Variants in SRP54 observed in about 807,000 individuals in gnomAD.
The protein encoded by SRP54 is signal recognition particle subunit SRP54.
Under a neutral mutation model 64.8 loss-of-function variants are expected in SRP54, and 10 were observed. The observed-to-expected ratio is 0.15, with a 90% confidence interval of 0.10 to 0.26. The LOEUF (loss-of-function observed/expected upper bound fraction) is 0.26, where lower values mean the gene tolerates loss of function less well. SRP54 is among the 10% of genes least tolerant of loss of function. SRP54 has a pLI of 1.00. For missense variants in SRP54, 325 were observed against 613.7 expected (o/e 0.53, Z 4.97); for synonymous variants, 193 against 185.6 (o/e 1.04, Z -0.32).
intron 13 of SRP54, among the ~76,000 whole-genome samples, chr14:35,020,689 A>G (rs1373814745): frequency 1.3e-5 from 2 of 152,182 alleles, no homozygotes; most frequent in Non-Finnish European, 2.9e-5. Context: ...ACTGTCTTTA[A>G]CACTGCAAAA....
chr14:35,022,053 T>C (rs546051125), intron 13 of SRP54, among the ~76,000 whole-genome samples: 14 of 152,252 alleles, frequency 9.2e-5, no homozygotes, highest in Non-Finnish European at 1.6e-4. Flanking sequence ...TAGGAAATAA[T>C]TTTTCTGTTG....
At chr14:35,017,513 A>C (rs950429073) in intron 11 of SRP54, among the ~76,000 whole-genome samples, 11 of 152,326 alleles carry the variant, frequency 7.2e-5, no homozygotes, top group Middle Eastern at 3.4e-3. Context: ...TCCACTGTTT[A>C]ATTCTGCGTT....
At chr14:35,013,536 A>G in intron 9 of SRP54, 42 bp downstream of exon 9, 1 of 1,583,058 alleles carries the variant, frequency 6.3e-7, no homozygotes. Context: ...TTGGGATTAT[A>G]TGGGGAAGGA....
chr14:34,987,003 C>CA lies in SRP54; in HGVS notation c.-34+3789dup, dbSNP rs2043905265. 2.0e-5 allele frequency among the ~76,000 whole-genome samples: 3 copies of CA among 151,840 alleles called. No homozygotes were observed. In the South Asian group the frequency reaches 6.2e-4, roughly 31 times the overall value. On this transcript the variant is annotated intron_variant, in intron 1 of 15. Coordinates refer to ENST00000216774, the MANE Select transcript of SRP54 (RefSeq NM_003136.4). ...GTCCCAACACTTTGGGAGGCCAAGG[C>CA]AGGCAGATCACAAGGTCAGGAGATC...
chr14:34,997,211 A>G (rs970384175), intron 2 of SRP54, among the ~76,000 whole-genome samples: 2 of 152,086 alleles, frequency 1.3e-5, no homozygotes, highest in African/African-American at 4.8e-5. Context: ...AAAGGCTAGC[A>G]TTTCCATCTT....
chr14:34,999,495 G>A, intron 2 of SRP54, 63 bp from the exon 3 acceptor site: 1 of 1,269,932 alleles, frequency 7.9e-7, no homozygotes. Flanking sequence ...ATCAACAATT[G>A]TTTTTATGGA....
chr14:34,995,087 T>A lies in SRP54; in HGVS notation c.-33-1590T>A, dbSNP rs534633963. Among the ~76,000 whole-genome samples the A allele has an allele frequency of 8.4e-3, 1,263 of 150,498 alleles. 12 individuals are homozygous for A. Among genetic ancestry groups the A allele is most frequent in the Non-Finnish European group, 0.014 (930 of 67,546 alleles). On this transcript the variant is annotated intron_variant, in intron 1 of 15. Transcript: ENST00000216774. ...ATGAGCCACTGTACCTGGCCTTTTT[T>A]TTCCTTTTTTTTTTTTTCTTGTTCC...
chr14:34,997,426 A>G (rs1207688094), intron 2 of SRP54, among the ~76,000 whole-genome samples: 1 of 152,218 alleles, frequency 6.6e-6, no homozygotes, highest in Non-Finnish European at 1.5e-5. Flanking sequence ...TATATTTTGT[A>G]TCAACAATGG....
intron 15 of SRP54, among the ~76,000 whole-genome samples, chr14:35,028,846 A>G (rs1347441100): frequency 2.0e-5 from 3 of 152,198 alleles, no homozygotes; most frequent in Non-Finnish European, 4.4e-5. Context: ...ATTCCTCGCA[A>G]TAACTCCGTA....
chr14:35,008,737 T>G, intron 6 of SRP54, 37 bp from the exon 7 acceptor site: 3 of 1,605,628 alleles, frequency 1.9e-6, no homozygotes, highest in Non-Finnish European at 2.5e-6. Context: ...AATTTTTATT[T>G]TCAAGTTTGA....
At chr14:34,999,523 G>A (rs1448502647) in intron 2 of SRP54, 35 bp from the exon 3 acceptor site, 2 of 1,478,446 alleles carry the variant, frequency 1.4e-6, no homozygotes, top group South Asian at 2.3e-5. Flanking sequence ...TGAAACATTG[G>A]GTGCTTTAAA....
chr14:34,990,540 A>T (rs1245899190), intron 1 of SRP54, among the ~76,000 whole-genome samples: 2 of 152,226 alleles, frequency 1.3e-5, no homozygotes, highest in Non-Finnish European at 2.9e-5. Context: ...TTACCTTTCT[A>T]AAAGCCCCAT....
chr14:35,018,806 T>C (rs1463127136), intron 12 of SRP54, 41 bp downstream of exon 12: 1 of 1,560,104 alleles, frequency 6.4e-7, no homozygotes, highest in Non-Finnish European at 8.7e-7. Flanking sequence ...TTTGTTTTCA[T>C]TAAATTTTCT....
chr14:35,014,706 A>T (rs373996325), intron 10 of SRP54, 38 bp from the exon 11 acceptor site: 158 of 1,437,980 alleles, frequency 1.1e-4, no homozygotes, highest in Non-Finnish European at 1.3e-4. Flanking sequence ...AGCAGGGTAT[A>T]GTATTAGTTG....
At chr14:34,985,821 T>A (rs908126800) in intron 1 of SRP54, among the ~76,000 whole-genome samples, 1 of 152,246 alleles carries the variant, frequency 6.6e-6, no homozygotes, top group African/African-American at 2.4e-5. Context: ...TTTTTTACCT[T>A]ACTATCTCTG....
chr14:35,008,208 A>G (rs773817307), intron 5 of SRP54, among the ~76,000 whole-genome samples: 2 of 152,102 alleles, frequency 1.3e-5, no homozygotes, highest in African/African-American at 4.8e-5. Context: ...TGACCGCTTT[A>G]TGCTAATTTT....
At chr14:34,998,866 A>G (rs1445633515) in intron 2 of SRP54, among the ~76,000 whole-genome samples, 1 of 151,862 alleles carries the variant, frequency 6.6e-6, no homozygotes, top group Non-Finnish European at 1.5e-5. Context: ...ATACCACTAC[A>G]TAATAGTGAC....
At chr14:35,024,476 A>T (rs925876163) in intron 14 of SRP54, among the ~76,000 whole-genome samples, 5 of 151,814 alleles carry the variant, frequency 3.3e-5, no homozygotes, top group Non-Finnish European at 2.9e-5. Flanking sequence ...TTTCCCCCTT[A>T]TATCTTTGTA....
At chr14:35,025,569 G>A (rs1206938272) in intron 14 of SRP54, among the ~76,000 whole-genome samples, 2 of 152,084 alleles carry the variant, frequency 1.3e-5, no homozygotes, top group East Asian at 1.9e-4. Flanking sequence ...CTCAATAAAG[G>A]AATAACCCAA....
Sources: gnomAD v4.1 joint callset for allele counts (sites outside exome capture counted in the v4.1 genomes callset) on GRCh38, gnomAD v4.1.1 for gene constraint, MANE v1.5 for transcripts, NCBI Gene and HGNC (gene_info 2026-07-23, HGNC 2026-07-21) for gene names.